SARDH: variants seen among roughly 807,000 people sequenced by gnomAD.
SARDH encodes the protein sarcosine dehydrogenase, also known as sarcosine dehydrogenase, mitochondrial.
Under a neutral mutation model 109.1 loss-of-function variants are expected in SARDH, and 95 were observed. The ratio of observed to expected loss-of-function variants is 0.87; its 90% confidence interval spans 0.74 to 1.03. The LOEUF (loss-of-function observed/expected upper bound fraction) is 1.03. Among genes scored for constraint, SARDH ranks in the 50% least tolerant of loss-of-function variants. The probability of loss-of-function intolerance (pLI) is 0.00; values close to 1 mark genes in which losing one functional copy is unlikely to be tolerated. For synonymous variants in SARDH, 572 were observed against 534.8 expected, an observed-to-expected ratio of 1.07 and a Z score of -0.96; for missense variants, 1,267 against 1,287.8, an observed-to-expected ratio of 0.98 and a Z score of 0.25.
chr9:133,660,023 G>A (rs1182962674), downstream of SARDH, among the ~76,000 whole-genome samples: 1 of 152,054 alleles, frequency 6.6e-6, no homozygotes, highest in Non-Finnish European at 1.5e-5. Flanking sequence ...GGGAATCCTA[G>A]CCAGCTCTGG....
intron 1 of SARDH, among the ~76,000 whole-genome samples, chr9:133,738,026 G>C (rs1053245367): frequency 2.6e-5 from 4 of 152,220 alleles, no homozygotes; most frequent in Non-Finnish European, 1.5e-5. Flanking sequence ...CAAGCGAGGA[G>C]AGCGCCTGGC....
chr9:133,704,915 TCCCAGCAGCACAG>T lies in SARDH; in HGVS notation c.1554+20_1554+32del. ...GCAAGGGGGTTGTCAGGGCAGGGCC[TCCCAGCAGCACAG>T]CCCAGCAGGCACTACTCACCGGAGC... is the stretch of plus-strand genomic sequence containing the variant. On this transcript the variant is annotated intron_variant, in intron 12 of 20. Coordinates refer to ENST00000439388, the MANE Select transcript of SARDH (RefSeq NM_001134707.2). This position sits in a 1 kb window ranked among gnomAD's most constrained non-coding sequence, Gnocchi z 4.5. 6.5e-7 allele frequency: 1 copy of T among 1,544,060 alleles called. No individual in the cohort carries two copies. Among genetic ancestry groups the T allele is most frequent in the Non-Finnish European group, 8.8e-7 (1 of 1,138,344 alleles).
At chr9:133,681,768 A>C (rs935823138) in intron 17 of SARDH, among the ~76,000 whole-genome samples, 3 of 152,188 alleles carry the variant, frequency 2.0e-5, no homozygotes, top group African/African-American at 7.2e-5. Context: ...TACACCATGG[A>C]TAACTGCCAC....
intron 1 of SARDH, among the ~76,000 whole-genome samples, chr9:133,735,855 C>T (rs919580412): frequency 6.7e-6 from 1 of 149,860 alleles, no homozygotes; most frequent in African/African-American, 2.5e-5. Context: ...ACCAGCCTGA[C>T]CAACATGGAG....
chr9:133,681,279 G>A (rs1830686403), intron 17 of SARDH, among the ~76,000 whole-genome samples: 1 of 152,214 alleles, frequency 6.6e-6, no homozygotes, highest in Non-Finnish European at 1.5e-5. Context: ...GGCCCCTGGG[G>A]TCAGTCCCAG....
chr9:133,706,477 G>A (rs1035288419), intron 11 of SARDH, among the ~76,000 whole-genome samples: 1 of 152,176 alleles, frequency 6.6e-6, no homozygotes, highest in African/African-American at 2.4e-5. Context: ...CTGTTTACTG[G>A]GGATGGTGTT....
At chr9:133,706,586 C>G (rs747441299) in intron 11 of SARDH, among the ~76,000 whole-genome samples, 2 of 152,154 alleles carry the variant, frequency 1.3e-5, no homozygotes, top group Non-Finnish European at 2.9e-5. Flanking sequence ...CACTTTAGAG[C>G]AGTTAAAATA....
downstream of SARDH, among the ~76,000 whole-genome samples, chr9:133,661,567 C>T (rs767543902): frequency 4.6e-5 from 7 of 151,988 alleles, no homozygotes; most frequent in South Asian, 8.3e-4. Flanking sequence ...CCACAACCTC[C>T]GCTTCCTGGG....
chr9:133,729,201 G>C (rs189504010), intron 6 of SARDH, among the ~76,000 whole-genome samples: 1 of 152,116 alleles, frequency 6.6e-6, no homozygotes, highest in African/African-American at 2.4e-5. Context: ...GGAAAGAGGG[G>C]GGTCAGTAAC....
intron 14 of SARDH, among the ~76,000 whole-genome samples, chr9:133,694,682 A>C (rs559509449): frequency 2.4e-4 from 37 of 152,226 alleles, no homozygotes; most frequent in Admixed American, 9.2e-4. Flanking sequence ...CCATGCTGAG[A>C]AGTTTCTAGG....
chr9:133,713,196 G>A (rs1206942848), intron 8 of SARDH, 72 bp from the exon 9 acceptor site: 9 of 1,374,868 alleles, frequency 6.5e-6, no homozygotes, highest in Middle Eastern at 1.8e-4. Flanking sequence ...TCTTCCAAGA[G>A]AGCAGTGATC....
chr9:133,695,585 C>T (rs756523282), intron 14 of SARDH, among the ~76,000 whole-genome samples: 1 of 152,182 alleles, frequency 6.6e-6, no homozygotes, highest in Non-Finnish European at 1.5e-5. Flanking sequence ...GGGTCCTCTG[C>T]AGAGTGTCAG....
In SARDH at chr9:133,734,222, C is replaced by T; in HGVS notation, c.-30-19G>A. On this transcript the variant is annotated intron_variant, in intron 1 of 20. Transcript: ENST00000439388. ...CAGGGAGCTGGGGAGAGAATCAGAG[C>T]TGGGTGGGGTGCAGAGGGGACACGC... 1.4e-6 allele frequency: 2 copies of T among 1,469,706 alleles called. No homozygotes were observed. The highest frequency in any genetic ancestry group is 9.0e-7 in the Non-Finnish European group (1 of 1,107,578). The allele number at this position is 1,469,706 out of a possible 1,614,324, so 91.0% of individuals were successfully genotyped here. A position where few individuals can be genotyped will look rare whatever the true frequency, so the allele number is the denominator to read the frequency against.
chr9:133,722,358 TC>T (rs1832353795), intron 6 of SARDH, among the ~76,000 whole-genome samples: 1 of 152,024 alleles, frequency 6.6e-6, no homozygotes, highest in Admixed American at 6.6e-5. Context: ...GAAGGGAACT[TC>T]CTCAAAGTGC....
At chr9:133,735,947 G>A (rs1832870304) in intron 1 of SARDH, among the ~76,000 whole-genome samples, 1 of 152,018 alleles carries the variant, frequency 6.6e-6, no homozygotes, top group African/African-American at 2.4e-5. Context: ...GGCTGAGACA[G>A]GAGACTTGCT....
chr9:133,722,265 T>A (rs1460852372), intron 6 of SARDH, among the ~76,000 whole-genome samples: 3 of 152,072 alleles, frequency 2.0e-5, no homozygotes, highest in East Asian at 1.9e-4. Flanking sequence ...TCCCAGTAGA[T>A]GCATGAGAAG....
chr9:133,704,208 G>T lies in SARDH; in HGVS notation c.1554+740C>A, dbSNP rs1435040877. ...CTCTCATCTCCCCTCCCGATGCCCT[G>T]GAGCTCTGGAGCCTGGCCTGGGCTG... On this transcript the variant is annotated intron_variant, in intron 12 of 20. Transcript: ENST00000439388. The surrounding 1 kb of genome is among the most constrained non-coding windows in gnomAD (Gnocchi z 4.5). 6.6e-6 allele frequency among the ~76,000 whole-genome samples: 1 copy of T among 152,144 alleles called. No homozygotes were observed. Among genetic ancestry groups the T allele is most frequent in the African/African-American group, 2.4e-5 (1 of 41,428 alleles).
chr9:133,670,894 AG>A, intron 18 of SARDH, 142 bp from the exon 19 acceptor site: 2 of 1,248,970 alleles, frequency 1.6e-6, no homozygotes, highest in Non-Finnish European at 2.1e-6. Context: ...GGCAGGAGGC[AG>A]GGGCATCCCC....
chr9:133,662,268 G>A (rs564372346), downstream of SARDH, among the ~76,000 whole-genome samples: 103 of 152,236 alleles, frequency 6.8e-4, no homozygotes, highest in Non-Finnish European at 5.9e-4. The surrounding 1 kb of genome is among the most constrained non-coding windows in gnomAD (Gnocchi z 5.1). Context: ...AATTTGGAGC[G>A]GAACCCGGGC....
Sources: allele counts gnomAD v4.1 joint callset (sites outside exome capture counted in the v4.1 genomes callset), GRCh38; gene constraint gnomAD v4.1.1; non-coding constraint Gnocchi (gnomAD v3.1); transcripts MANE v1.5; gene names NCBI Gene and HGNC (gene_info 2026-07-23, HGNC 2026-07-21).